SCNN1A: variants seen among roughly 807,000 people sequenced by gnomAD.
SCNN1A encodes the protein epithelial sodium channel subunit alpha.
In SCNN1A, 65 loss-of-function variants were observed where a neutral mutation model predicts 68.6. The observed-to-expected ratio is 0.95, with a 90% CI of 0.78 to 1.16. The LOEUF (loss-of-function observed/expected upper bound fraction) is 1.16. SCNN1A is among the 50% of genes most tolerant of loss of function. The probability of loss-of-function intolerance (pLI) is 0.00; values close to 1 mark genes in which losing one functional copy is unlikely to be tolerated. For synonymous variants in SCNN1A, 357 were observed against 353.3 expected (o/e 1.01, Z -0.12); for missense variants, 880 against 865.9 (o/e 1.02, Z -0.20).
At chr12:6,353,797 G>T (rs1349689200) in intron 8 of SCNN1A, 1 of 136,226 alleles carries the variant, frequency 7.3e-6, no homozygotes, top group Non-Finnish European at 1.6e-5. Context: ...CACCGTGTTA[G>T]CCAGGATGGT....
At position 6,347,918 on chromosome 12, in the gene SCNN1A, GC is replaced by G; in HGVS notation, c.1964del (p.Gly655AlafsTer40). On this transcript the variant is annotated frameshift_variant, in exon 13 of 13. Transcript: ENST00000228916. LOFTEE classifies it low-confidence loss of function (END_TRUNC). ...AGGTGGAGGAACTGGCCCCTGCAGA[GC>G]CCCCTGGAGATGGGCGGGGGCCCAG... Reference protein sequence around the residue: ...ATLGPRPSPGGSAGASSSTCP... With the variant: ...ATLGPRPSPGXSAGASSSTCP... 2 of 1,593,784 alleles carry G rather than the reference GC, an allele frequency of 1.3e-6. No individual in the cohort carries two copies. The highest frequency in any genetic ancestry group is 1.7e-6 in the Non-Finnish European group (2 of 1,169,454).
chr12:6,375,588 A>G, upstream of SCNN1A: 6 of 1,258,802 alleles, frequency 4.8e-6, no homozygotes, highest in Non-Finnish European at 6.5e-6. Flanking sequence ...TAGCATCTCA[A>G]TTAAAGGTGA....
chr12:6,357,640 T>C (rs1948519391), intron 4 of SCNN1A, among the ~76,000 whole-genome samples: 1 of 152,014 alleles, frequency 6.6e-6, no homozygotes, highest in South Asian at 2.1e-4. Context: ...CAAAAACACA[T>C]AGAGATACAC....
chr12:6,348,754 T>G lies in SCNN1A; in HGVS notation c.1602A>C (p.Lys534Asn). ...TGACAGAGGGAGACTCAGAATTGGT[T>G]TTGTAGTTCAGCTCCTTGAAGAAGA... ...VNIFFKELNY[K>N]TNSESPSVTM... Residue 534 changes from lysine (K) to asparagine (N), a missense_variant, in exon 12 of 13, where the codon AAA becomes AAC. By Grantham distance (94) the Lys-to-Asn change is moderately conservative. Transcript: ENST00000228916. 3 of 1,613,262 alleles carry G rather than the reference T, an allele frequency of 1.9e-6. No individual in the cohort carries two copies. The highest frequency in any genetic ancestry group is 2.5e-6 in the Non-Finnish European group (3 of 1,179,826).
At chr12:6,363,957 G>A (rs1307033935) in intron 2 of SCNN1A, 10 of 380,384 alleles carry the variant, frequency 2.6e-5, no homozygotes, top group Non-Finnish European at 4.2e-5. Flanking sequence ...GAAGGAGAGA[G>A]GCAGGAGGCG....
chr12:6,370,408 G>A (rs865877266), intron 2 of SCNN1A, among the ~76,000 whole-genome samples: 10 of 152,266 alleles, frequency 6.6e-5, no homozygotes, highest in South Asian at 4.1e-4. Context: ...TGTCCAGGAC[G>A]GAGCAGCAGG....
At chr12:6,363,416 C>T (rs1948615747) in intron 3 of SCNN1A, 27 bp downstream of exon 3, 12 of 1,501,456 alleles carry the variant, frequency 8.0e-6, no homozygotes, top group Admixed American at 2.2e-5. Flanking sequence ...AGGGGCGGGG[C>T]GGGCCCCTCG....
chr12:6,375,547 C>A lies in SCNN1A; in HGVS notation c.-97G>T, dbSNP rs776185619. 2 of 1,534,942 alleles carry A rather than the reference C, an allele frequency of 1.3e-6. No individual in the cohort carries two copies. The highest frequency in any genetic ancestry group is 1.7e-6 in the Non-Finnish European group (2 of 1,146,606). On this transcript the variant is annotated 5_prime_UTR_variant, in exon 1 of 13. Coordinates refer to ENST00000228916, the MANE Select transcript of SCNN1A (RefSeq NM_001038.6). The stretch of plus-strand genomic sequence containing the variant: ...CTGGCTGGGGAGCCCGCCCGCTGGC[C>A]GGCCAGGGATGGAAGCGACAGGAAT...
At chr12:6,356,048 G>T in intron 4 of SCNN1A, 168 bp from the exon 5 acceptor site, 2 of 679,932 alleles carry the variant, frequency 2.9e-6, no homozygotes, top group Non-Finnish European at 5.4e-6. Flanking sequence ...AATGCTGAGA[G>T]CTTTACTCAC....
At chr12:6,356,188 C>A in intron 4 of SCNN1A, 1 of 438,366 alleles carries the variant, frequency 2.3e-6, no homozygotes. Context: ...CCAGGCTCCT[C>A]TCACCAGGCC....
At chr12:6,364,955 TAAATC>T (rs760289831) in intron 2 of SCNN1A, among the ~76,000 whole-genome samples, 2 of 149,598 alleles carry the variant, frequency 1.3e-5, no homozygotes, top group East Asian at 1.9e-4. Context: ...CCTGCTGAAA[TAAATC>T]AAAGATCAGA....
At chr12:6,352,105 T>C (rs1242125989) in intron 8 of SCNN1A, among the ~76,000 whole-genome samples, 2 of 152,156 alleles carry the variant, frequency 1.3e-5, no homozygotes, top group African/African-American at 2.4e-5. Context: ...AAACTGATTA[T>C]ATGATGATTG....
chr12:6,369,793 C>G (rs1316291075), intron 2 of SCNN1A, among the ~76,000 whole-genome samples: 1 of 148,152 alleles, frequency 6.7e-6, no homozygotes, highest in Non-Finnish European at 1.5e-5. Context: ...AAGATCCCAC[C>G]ACTGCACTCC....
At chr12:6,376,547 G>A (rs747323925), upstream of SCNN1A, among the ~76,000 whole-genome samples, 5 of 152,216 alleles carry the variant, frequency 3.3e-5, no homozygotes, top group Non-Finnish European at 5.9e-5. Context: ...CATGGCACAC[G>A]CCTAGACAGG....
At chr12:6,362,325 T>C in intron 3 of SCNN1A, 84 bp from the exon 4 acceptor site, 1 of 1,241,788 alleles carries the variant, frequency 8.1e-7, no homozygotes, top group Non-Finnish European at 1.2e-6. Context: ...ATGAGTGATC[T>C]GGGGTTCTGA....
intron 4 of SCNN1A, among the ~76,000 whole-genome samples, chr12:6,358,091 GTTAC>G (rs1244886178): frequency 6.6e-6 from 1 of 152,202 alleles, no homozygotes; most frequent in Non-Finnish European, 1.5e-5. Context: ...GACCAAACAA[GTTAC>G]TTACTTAATC....
rs1948280294 is a variant in SCNN1A at position 6,347,630 on chromosome 12, A to G, written c.*243T>C. The G allele has an allele frequency of 1.8e-6, 1 of 542,154 alleles. No individual in the cohort carries two copies. The highest frequency in any genetic ancestry group is 1.9e-5 in the African/African-American group (1 of 53,208). The allele number at this position is 542,154 out of a possible 1,614,324, so 33.6% of individuals were successfully genotyped here. On this transcript the variant is annotated 3_prime_UTR_variant, in exon 13 of 13. Coordinates refer to ENST00000228916, the MANE Select transcript of SCNN1A (RefSeq NM_001038.6). ...TTAGCCGCAGTTGGGTGGGGAAACC[A>G]GAGTGTTCAGAGGCAGTACCAAGGG...
At chr12:6,355,964 A>G (rs1056575569) in intron 4 of SCNN1A, 84 bp from the exon 5 acceptor site, 1 of 870,550 alleles carries the variant, frequency 1.1e-6, no homozygotes, top group African/African-American at 1.6e-5. Flanking sequence ...AGAAATGTCC[A>G]CTCTCTTAAA....
chr12:6,353,783 G>A (rs1219252355), intron 8 of SCNN1A: 1 of 134,070 alleles, frequency 7.5e-6, no homozygotes, highest in South Asian at 2.5e-4. Flanking sequence ...TAGAGACGGG[G>A]TTTCACCGTG....
Sources: gnomAD v4.1 joint callset for allele counts (sites outside exome capture counted in the v4.1 genomes callset) on GRCh38, gnomAD v4.1.1 for gene constraint, MANE v1.5 for transcripts, NCBI Gene and HGNC (gene_info 2026-07-23, HGNC 2026-07-21) for gene names.